Variants in STK32B observed in about 807,000 individuals in gnomAD.
STK32B encodes serine/threonine kinase 32B.
Under a neutral mutation model 52.6 loss-of-function variants are expected in STK32B, and 43 were observed. The ratio of observed to expected loss-of-function variants is 0.82; its 90% CI spans 0.64 to 1.05. The LOEUF is 1.05. Ranked by LOEUF, STK32B falls within the 50% of genes least tolerant of loss-of-function variation. The pLI, the probability that STK32B is intolerant of heterozygous loss-of-function variation, is 0.00. For synonymous variants in STK32B, 238 were observed against 204.3 expected, an observed-to-expected ratio of 1.17 and a Z score of -1.41; for missense variants, 621 against 534.6, an observed-to-expected ratio of 1.16 and a Z score of -1.59.
intron 2 of STK32B, among the ~76,000 whole-genome samples, chr4:5,151,235 AG>A (rs1717340699): frequency 6.6e-6 from 1 of 152,246 alleles, no homozygotes; most frequent in African/African-American, 2.4e-5. Flanking sequence ...AAGGGAATAA[AG>A]CATAGCTTTG....
In STK32B at chr4:5,398,269, A is replaced by G; in HGVS notation, c.472+25A>G. On this transcript the variant is annotated intron_variant, in intron 5 of 11. Coordinates refer to ENST00000282908, the MANE Select transcript of STK32B (RefSeq NM_018401.3). This position sits in a 1 kb window ranked among gnomAD's most constrained non-coding sequence, Gnocchi z 4.9. Reference sequence around the variant, plus strand: ...GGTAAGCCTGCTACTAATCCTTTACAGGGACTCTCAGTGGAAAGTTTGAGG... The same window carrying G: ...GGTAAGCCTGCTACTAATCCTTTACGGGGACTCTCAGTGGAAAGTTTGAGG... 2 of 1,613,608 alleles carry G rather than the reference A, an allele frequency of 1.2e-6. No homozygotes were observed. Among genetic ancestry groups the G allele is most frequent in the Non-Finnish European group, 1.7e-6 (2 of 1,179,774 alleles).
rs184812453 is a variant in STK32B, at chr4:5,115,388, A to T, written c.53-24517A>T. ...GTAGACACACATATGTGAGCTTGAA[A>T]AACTGCTTTCCTCCAGCATTACAGG... On this transcript the variant is annotated intron_variant, in intron 1 of 11. Coordinates refer to ENST00000282908, the MANE Select transcript of STK32B (RefSeq NM_018401.3). Among the ~76,000 whole-genome samples, 21 of 152,348 alleles carry T rather than the reference A, an allele frequency of 1.4e-4. No homozygotes were observed. In the East Asian group the frequency reaches 2.7e-3, roughly 20 times the overall value.
At chr4:5,049,209 T>G (rs577270825), upstream of STK32B, among the ~76,000 whole-genome samples, 191 of 152,080 alleles carry the variant, frequency 1.3e-3, 2 homozygotes, top group Non-Finnish European at 3.8e-4. Context: ...TTGTTTTTTT[T>G]TTTTTGAGAC....
At chr4:5,140,246 A>G (rs1247607120) in intron 2 of STK32B, 7 of 1,438,570 alleles carry the variant, frequency 4.9e-6, no homozygotes, top group African/African-American at 1.4e-5. Context: ...GAAAGTTGAA[A>G]AAAAACCCAT....
chr4:5,480,816 A>G (rs1262729273), intron 11 of STK32B, among the ~76,000 whole-genome samples: 1 of 150,890 alleles, frequency 6.6e-6, no homozygotes, highest in African/African-American at 2.4e-5. Flanking sequence ...CCCACCTATC[A>G]GTGATAACAT....
At chr4:5,141,557 T>A (rs1454877845) in intron 2 of STK32B, among the ~76,000 whole-genome samples, 1 of 152,110 alleles carries the variant, frequency 6.6e-6, no homozygotes, top group Non-Finnish European at 1.5e-5. Context: ...ATGATCTGTT[T>A]GTAGAAGTTC....
At chr4:5,407,608 T>G (rs1223467269) in intron 5 of STK32B, among the ~76,000 whole-genome samples, 1 of 151,428 alleles carries the variant, frequency 6.6e-6, no homozygotes, top group Non-Finnish European at 1.5e-5. Context: ...TGGCGGAAGG[T>G]GAAGGGGAAG....
the STK32B span, among the ~76,000 whole-genome samples, chr4:5,031,018 C>CTG: frequency 6.6e-6 from 1 of 152,026 alleles, no homozygotes; most frequent in Non-Finnish European, 1.5e-5. Context: ...GCAAGGCAGA[C>CTG]TGACAGGCTG....
intron 5 of STK32B, among the ~76,000 whole-genome samples, chr4:5,401,778 A>G (rs889017145): frequency 6.6e-6 from 1 of 152,218 alleles, no homozygotes; most frequent in Non-Finnish European, 1.5e-5. Flanking sequence ...CTATTGGTAC[A>G]ATAAAGCTGG....
chr4:5,191,397 C>T (rs775886737), intron 3 of STK32B, among the ~76,000 whole-genome samples: 3 of 152,014 alleles, frequency 2.0e-5, no homozygotes, highest in Non-Finnish European at 2.9e-5. Context: ...ATTACAGGCG[C>T]ACACCACCAC....
intron 3 of STK32B, 32 bp downstream of exon 3, chr4:5,168,482 G>T (rs570693002): frequency 1.3e-6 from 2 of 1,593,442 alleles, no homozygotes; most frequent in African/African-American, 1.3e-5. Flanking sequence ...GCTCCTGTGG[G>T]TTCCCCTGTG....
chr4:5,407,159 A>G (rs1476194816), intron 5 of STK32B, among the ~76,000 whole-genome samples: 1 of 152,088 alleles, frequency 6.6e-6, no homozygotes, highest in African/African-American at 2.4e-5. Flanking sequence ...TCAAAATTCC[A>G]CATATCTCTA....
intron 3 of STK32B, among the ~76,000 whole-genome samples, chr4:5,253,105 C>T (rs755756025): frequency 6.6e-6 from 1 of 152,154 alleles, no homozygotes; most frequent in Non-Finnish European, 1.5e-5. Flanking sequence ...TTGGCCTCAA[C>T]TCTTTCCAAT....
At chr4:5,142,955 G>A (rs1020103086) in intron 2 of STK32B, among the ~76,000 whole-genome samples, 2 of 152,180 alleles carry the variant, frequency 1.3e-5, no homozygotes, top group Non-Finnish European at 2.9e-5. Flanking sequence ...TCTGCCTCCT[G>A]GTGGCCTTTG....
intron 3 of STK32B, among the ~76,000 whole-genome samples, chr4:5,169,248 G>C (rs1719140499): frequency 6.6e-6 from 1 of 152,174 alleles, no homozygotes; most frequent in Non-Finnish European, 1.5e-5. Flanking sequence ...TCCTCACACA[G>C]AAATTGCTTG....
intron 3 of STK32B, among the ~76,000 whole-genome samples, chr4:5,214,078 C>T (rs553488501): frequency 1.3e-4 from 20 of 152,146 alleles, no homozygotes; most frequent in African/African-American, 4.8e-4. Flanking sequence ...GTGACCCCAC[C>T]CAAATCTCAT....
chr4:5,408,441 T>C (rs1292497979), intron 5 of STK32B, among the ~76,000 whole-genome samples: 1 of 152,140 alleles, frequency 6.6e-6, no homozygotes, highest in African/African-American at 2.4e-5. Flanking sequence ...ATTGTACATT[T>C]TCTGAGGCCT....
the STK32B span, among the ~76,000 whole-genome samples, chr4:5,034,319 A>T: frequency 1.3e-5 from 2 of 152,224 alleles, no homozygotes; most frequent in Admixed American, 1.3e-4. Flanking sequence ...CTGTAGGGAT[A>T]ACCTCTCTCA....
At chr4:5,439,932 C>T (rs1370895468) in intron 6 of STK32B, among the ~76,000 whole-genome samples, 1 of 152,140 alleles carries the variant, frequency 6.6e-6, no homozygotes, top group Non-Finnish European at 1.5e-5. Context: ...GGCATTATTT[C>T]TAAGGGCTCT....
Sources: allele counts gnomAD v4.1 joint callset (sites outside exome capture counted in the v4.1 genomes callset), GRCh38; gene constraint gnomAD v4.1.1; non-coding constraint Gnocchi (gnomAD v3.1); transcripts MANE v1.5; gene names NCBI Gene and HGNC (gene_info 2026-07-23, HGNC 2026-07-21).